The following AKAP19 variants were observed in gnomAD, a reference collection of about 807,000 sequenced individuals.
AKAP19 encodes the protein A-kinase anchoring protein 19, also known as small A-kinase anchoring protein.
chr2:190,057,623 C>G, the AKAP19 span: 1 of 1,613,170 alleles, frequency 6.2e-7, no homozygotes, highest in Non-Finnish European at 8.5e-7. Context: ...GTTACCTTGA[C>G]CTCTAAAAAC....
the AKAP19 span, among the ~76,000 whole-genome samples, chr2:190,002,558 A>G: frequency 1.3e-5 from 2 of 151,760 alleles, no homozygotes; most frequent in African/African-American, 4.8e-5. Flanking sequence ...TAAATTTAAA[A>G]AAAGAAAGAA....
chr2:190,001,541 G>A, the AKAP19 span, among the ~76,000 whole-genome samples: 1 of 152,176 alleles, frequency 6.6e-6, no homozygotes, highest in Non-Finnish European at 1.5e-5. Context: ...TATTAGCACT[G>A]ATGTCTCTCC....
the AKAP19 span, among the ~76,000 whole-genome samples, chr2:190,015,684 T>A: frequency 6.6e-6 from 1 of 152,208 alleles, no homozygotes; most frequent in Non-Finnish European, 1.5e-5. Context: ...AGGCTGCAAA[T>A]TTTTCAAACT....
the AKAP19 span, among the ~76,000 whole-genome samples, chr2:190,173,553 A>G: frequency 3.3e-5 from 5 of 152,236 alleles, no homozygotes; most frequent in Admixed American, 6.5e-5. Context: ...CTAAAATGAT[A>G]GAATCTTGGC....
the AKAP19 span, among the ~76,000 whole-genome samples, chr2:190,185,053 T>C: frequency 1.3e-5 from 2 of 152,238 alleles, no homozygotes; most frequent in African/African-American, 2.4e-5. Flanking sequence ...CCTAGAGTCC[T>C]AGTGAATTTG....
At chr2:189,924,203 A>G in the AKAP19 span, 3 of 1,547,174 alleles carry the variant, frequency 1.9e-6, no homozygotes, top group East Asian at 2.3e-5. Flanking sequence ...GCCAATGGCG[A>G]GGATGACTCT....
the AKAP19 span, among the ~76,000 whole-genome samples, chr2:190,034,094 T>A: frequency 3.3e-5 from 4 of 122,150 alleles, no homozygotes; most frequent in Admixed American, 3.9e-4. Flanking sequence ...TAAAAAAAAT[T>A]ATATAAATAA....
the AKAP19 span, among the ~76,000 whole-genome samples, chr2:190,020,687 T>G: frequency 6.6e-6 from 1 of 152,184 alleles, no homozygotes; most frequent in African/African-American, 2.4e-5. Context: ...CACCACCATT[T>G]ATCTCCAGAA....
chr2:190,178,210 G>GAGAGCC, the AKAP19 span, among the ~76,000 whole-genome samples: 1 of 152,200 alleles, frequency 6.6e-6, no homozygotes, highest in African/African-American at 2.4e-5. This position sits in a 1 kb window ranked among gnomAD's most constrained non-coding sequence, Gnocchi z 6.3. Flanking sequence ...CAGCTGGGAG[G>GAGAGCC]AGAGCCAGCT....
At chr2:190,101,326 G>A in the AKAP19 span, among the ~76,000 whole-genome samples, 1,450 of 152,284 alleles carry the variant, frequency 9.5e-3, 25 homozygotes, top group African/African-American at 0.033. Flanking sequence ...GCTTCTCCTC[G>A]GCAACAAGGC....
the AKAP19 span, among the ~76,000 whole-genome samples, chr2:189,995,962 C>T: frequency 6.6e-6 from 1 of 152,154 alleles, no homozygotes; most frequent in Non-Finnish European, 1.5e-5. Context: ...GCTCAGAAAT[C>T]TGCTGTTAAT....
the AKAP19 span, among the ~76,000 whole-genome samples, chr2:189,975,997 C>T: frequency 5.9e-5 from 9 of 152,182 alleles, no homozygotes; most frequent in African/African-American, 1.4e-4. Flanking sequence ...AGTCATTCTC[C>T]GTCCAGCTTT....
chr2:190,069,782 A>G, the AKAP19 span, among the ~76,000 whole-genome samples: 2 of 152,160 alleles, frequency 1.3e-5, no homozygotes, highest in Non-Finnish European at 2.9e-5. Flanking sequence ...CTGGTTTATG[A>G]TAGGTACTAT....
At chr2:190,004,814 T>C in the AKAP19 span, among the ~76,000 whole-genome samples, 2 of 152,144 alleles carry the variant, frequency 1.3e-5, no homozygotes, top group African/African-American at 2.4e-5. Flanking sequence ...AAAGGCACCA[T>C]TTTAATTGGA....
At chr2:189,963,431 G>C in the AKAP19 span, among the ~76,000 whole-genome samples, 1 of 152,040 alleles carries the variant, frequency 6.6e-6, no homozygotes, top group East Asian at 1.9e-4. Flanking sequence ...TCCTGACCTC[G>C]TGATCTGCCT....
chr2:190,076,218 G>C, the AKAP19 span, among the ~76,000 whole-genome samples: 1 of 152,060 alleles, frequency 6.6e-6, no homozygotes, highest in South Asian at 2.1e-4. Flanking sequence ...GGCATTTTGG[G>C]CTGGATTATT....
the AKAP19 span, among the ~76,000 whole-genome samples, chr2:189,974,376 G>T: frequency 6.6e-6 from 1 of 152,158 alleles, no homozygotes; most frequent in Non-Finnish European, 1.5e-5. Flanking sequence ...TTTTACATTT[G>T]CTGAGGAGTG....
At chr2:190,153,067 T>G in the AKAP19 span, among the ~76,000 whole-genome samples, 4 of 152,104 alleles carry the variant, frequency 2.6e-5, no homozygotes, top group East Asian at 1.9e-4. Context: ...GGCTAATTTT[T>G]TGTAATTTTA....
At chr2:190,190,075 T>TAA in the AKAP19 span, 4 of 152,210 alleles carry the variant, frequency 2.6e-5, no homozygotes, top group Admixed American at 1.3e-4. Context: ...TATATCTTAT[T>TAA]AAAGTAAAAA....
Sources: allele counts gnomAD v4.1 joint callset (sites outside exome capture counted in the v4.1 genomes callset), GRCh38; gene constraint gnomAD v4.1.1; non-coding constraint Gnocchi (gnomAD v3.1); transcripts MANE v1.5; gene names NCBI Gene and HGNC (gene_info 2026-07-23, HGNC 2026-07-21).